The following NMT2 variants were observed in gnomAD, a reference collection of about 807,000 sequenced individuals.
NMT2 encodes N-myristoyltransferase 2, also known as glycylpeptide N-tetradecanoyltransferase 2.
Under a neutral mutation model 65.4 loss-of-function variants are expected in NMT2, and 35 were observed. That is an observed-to-expected ratio of 0.54 (90% confidence interval 0.41 to 0.71). The LOEUF is 0.71. NMT2 is among the 30% of genes least tolerant of loss of function. NMT2 has a pLI of 0.00. For missense variants in NMT2, 489 were observed against 611.3 expected, an observed-to-expected ratio of 0.80 and a Z score of 2.11; for synonymous variants, 226 against 231.8, an observed-to-expected ratio of 0.98 and a Z score of 0.23.
At position 15,150,029 on chromosome 10, in the gene NMT2, C is replaced by A. The variant is rs540137117; in HGVS notation, c.111-8472G>T. On this transcript the variant is annotated intron_variant, in intron 1 of 11. Transcript: ENST00000378165. ...TAGATCTTTGTGCTACGTGTGTGCACATGCCCTGGTGTTCTGGTTGGAATC... is the reference window on the plus strand; with the variant it reads ...TAGATCTTTGTGCTACGTGTGTGCAAATGCCCTGGTGTTCTGGTTGGAATC... Among the ~76,000 whole-genome samples the A allele has an allele frequency of 4.6e-5, 7 of 152,286 alleles. No homozygotes were observed. In the South Asian group the frequency reaches 1.5e-3, roughly 32 times the overall value.
intron 1 of NMT2, among the ~76,000 whole-genome samples, chr10:15,157,018 A>C (rs1397280425): frequency 1.3e-5 from 2 of 152,180 alleles, no homozygotes; most frequent in Non-Finnish European, 2.9e-5. Context: ...AAATACCCCT[A>C]AAGTAGTGAA....
chr10:15,154,905 C>A, intron 1 of NMT2: 1 of 896,282 alleles, frequency 1.1e-6, no homozygotes, highest in Non-Finnish European at 1.9e-6. Flanking sequence ...TTTCACCCTG[C>A]CAGAGACCAC....
chr10:15,151,059 C>CTTTTTTTTTTTTTTTTTTTTTTTTT (rs200879621), intron 1 of NMT2, among the ~76,000 whole-genome samples: 6 of 139,890 alleles, frequency 4.3e-5, no homozygotes, highest in African/African-American at 1.6e-4. Flanking sequence ...TAGCTTCCTC[C>CTTTTTTTTTTTTTTTTTTTTTTTTT]TTTTTTTTTT....
intron 10 of NMT2, among the ~76,000 whole-genome samples, chr10:15,112,220 T>A (rs868532534): frequency 0.036 from 499 of 13,828 alleles, no homozygotes; most frequent in South Asian, 0.064. Context: ...ATATATATTT[T>A]TTTTTTTTTT....
intron 1 of NMT2, among the ~76,000 whole-genome samples, chr10:15,156,701 A>C (rs1385433613): frequency 6.6e-6 from 1 of 152,170 alleles, no homozygotes; most frequent in Non-Finnish European, 1.5e-5. Flanking sequence ...GTTTGAGACC[A>C]GCCTGACCAA....
chr10:15,127,770 G>A (rs1364840923), intron 8 of NMT2, among the ~76,000 whole-genome samples: 5 of 151,398 alleles, frequency 3.3e-5, no homozygotes, highest in Non-Finnish European at 5.9e-5. Context: ...GGGTGTGGTG[G>A]CGGGTGCCTG....
At chr10:15,166,473 A>G (rs115261859) in intron 1 of NMT2, among the ~76,000 whole-genome samples, 179 of 152,356 alleles carry the variant, frequency 1.2e-3, no homozygotes, top group African/African-American at 4.2e-3. Flanking sequence ...TTCTACTGCG[A>G]TATCATCAGT....
Position 15,141,425 on chromosome 10 carries a change from C to T in NMT2, c.243G>A (p.Ser81=), listed in dbSNP as rs771840633. The T allele has an allele frequency of 5.6e-5, 91 of 1,613,910 alleles. 1 individual carries two copies. The highest frequency in any genetic ancestry group is 6.2e-5 in the Non-Finnish European group (73 of 1,180,022). ...AAAAATAAAACAGAGCTCTCACTTT[C>T]GAAGGCTGCTGAATTTTAATCTCCT... ...DSQEIKIQQP[S]KNPSVPMQKL... is the part of the protein sequence containing the mutation. Residue 81 remains serine (S), a synonymous_variant, in exon 2 of 12, where the codon TCG becomes TCA. Transcript: ENST00000378165.
At chr10:15,162,963 A>G (rs58940471) in intron 1 of NMT2, among the ~76,000 whole-genome samples, 127 of 151,732 alleles carry the variant, frequency 8.4e-4, no homozygotes, top group African/African-American at 2.9e-3. Context: ...ACAGAGTCTC[A>G]TTCTGTTGCC....
intron 11 of NMT2, 124 bp downstream of exon 11, chr10:15,109,578 T>A (rs45444993): frequency 0.066 from 47,463 of 723,022 alleles, 1,363 homozygotes; most frequent in Middle Eastern, 0.12. Flanking sequence ...CTCAAAAAAA[T>A]AAATAAATAA....
chr10:15,167,290 T>G (rs1322651764), intron 1 of NMT2, among the ~76,000 whole-genome samples: 1 of 152,204 alleles, frequency 6.6e-6, no homozygotes, highest in African/African-American at 2.4e-5. Context: ...ATAGTCAGCT[T>G]TTCTTTTTCT....
At chr10:15,117,406 G>A (rs915374824) in intron 9 of NMT2, among the ~76,000 whole-genome samples, 8 of 152,108 alleles carry the variant, frequency 5.3e-5, no homozygotes, top group Admixed American at 2.0e-4. Flanking sequence ...AATTGATTAG[G>A]AGCACCCACA....
intron 1 of NMT2, among the ~76,000 whole-genome samples, chr10:15,167,547 C>G (rs1464730532): frequency 6.6e-6 from 1 of 152,140 alleles, no homozygotes; most frequent in Non-Finnish European, 1.5e-5. Context: ...TAGCAAGAAC[C>G]GCTCTGTGCC....
Position 15,108,597 on chromosome 10 carries a change from C to T in NMT2, c.*598G>A. 1 of 985,884 alleles carries T rather than the reference C, an allele frequency of 1.0e-6. No homozygotes were observed. The highest frequency in any genetic ancestry group is 4.7e-5 in the South Asian group (1 of 21,308). The allele number at this position is 985,884 out of a possible 1,614,324, so 61.1% of individuals were successfully genotyped here. On this transcript the variant is annotated 3_prime_UTR_variant, in exon 12 of 12. Coordinates refer to ENST00000378165, the MANE Select transcript of NMT2 (RefSeq NM_004808.3). ...ACTTGCATGTTTATTGATTCGGCAA[C>T]TCTGCTTATGGAGAAATACATGTAC... is the stretch of plus-strand genomic sequence containing the variant.
rs1845417781 is a variant in NMT2 at position 15,109,139 on chromosome 10, A to C, written c.*56T>G. ...TCTTCTTTGGAATGGCAGTTCCAGA[A>C]ATCATTAAATATTAACAAATGATGA... On this transcript the variant is annotated 3_prime_UTR_variant, in exon 12 of 12. Transcript: ENST00000378165. 1.9e-6 allele frequency: 3 copies of C among 1,593,942 alleles called. No homozygotes were observed. Among genetic ancestry groups the C allele is most frequent in the South Asian group, 1.1e-5 (1 of 87,140 alleles).
Position 15,132,860 on chromosome 10 carries a change from C to T in NMT2, c.676G>A (p.Gly226Arg), listed in dbSNP as rs1445949223. The change falls in exon 6 of 12, where the codon GGG becomes AGG. Residue 226 changes from glycine (G) to arginine (R), a missense_variant. Gly to Arg is a moderately radical substitution (Grantham distance 125). Transcript: ENST00000378165. ...TTTGCTGGGATGGCACTTATGAACCCGACCAGTTTTTTATTTGAAGACACT... is the reference window on the plus strand; with the variant it reads ...TTTGCTGGGATGGCACTTATGAACCTGACCAGTTTTTTATTTGAAGACACT... ...VRVSSNKKLV[G>R]FISAIPANIR... 18 of 1,613,644 alleles carry T rather than the reference C, an allele frequency of 1.1e-5. No homozygotes were observed. Among genetic ancestry groups the T allele is most frequent in the Admixed American group, 5.0e-5 (3 of 59,954 alleles).
chr10:15,165,962 G>A (rs1246987220), intron 1 of NMT2, among the ~76,000 whole-genome samples: 1 of 151,474 alleles, frequency 6.6e-6, no homozygotes, highest in East Asian at 1.9e-4. Context: ...TTACGCCATT[G>A]CTTTTAATTA....
intron 3 of NMT2, among the ~76,000 whole-genome samples, chr10:15,133,593 CT>C (rs1276240426): frequency 6.6e-6 from 1 of 151,966 alleles, no homozygotes; most frequent in Non-Finnish European, 1.5e-5. Context: ...TTTTTCTTTT[CT>C]TTTTTCTTTT....
In NMT2 at chr10:15,133,154, A is replaced by G; in HGVS notation, c.511-10T>C. On this transcript the variant is annotated splice_polypyrimidine_tract_variant and intron_variant, in intron 4 of 11. Transcript: ENST00000378165. ...TGTATAACTCCTTGAGCTATAAGAT[A>G]AAACAAGTGTCCTATCCATGGTGCT... 1 of 1,608,878 alleles carries G rather than the reference A, an allele frequency of 6.2e-7. No individual in the cohort carries two copies. The highest frequency in any genetic ancestry group is 8.5e-7 in the Non-Finnish European group (1 of 1,175,156).
Sources: gnomAD v4.1 joint callset for allele counts (sites outside exome capture counted in the v4.1 genomes callset) on GRCh38, gnomAD v4.1.1 for gene constraint, MANE v1.5 for transcripts, NCBI Gene and HGNC (gene_info 2026-07-23, HGNC 2026-07-21) for gene names.